Variants in TAF3 observed in about 807,000 individuals in gnomAD.
TAF3 encodes transcription initiation factor TFIID subunit 3.
TAF3 carries 7 observed loss-of-function variants against 80.6 expected under a neutral mutation model. That is an observed-to-expected ratio of 0.09 (90% CI 0.05 to 0.16). The LOEUF is 0.16. Among genes scored for constraint, TAF3 ranks in the 10% least tolerant of loss-of-function variants. The pLI, the probability that TAF3 is intolerant of heterozygous loss-of-function variation, is 1.00. For synonymous variants in TAF3, 444 were observed against 446.1 expected (o/e 1.00, Z 0.06); for missense variants, 921 against 1,140.2 (o/e 0.81, Z 2.77).
Position 8,003,249 on chromosome 10 carries a change from T to TA in TAF3, c.2316-5828dup, listed in dbSNP as rs947849749. Among the ~76,000 whole-genome samples, 92 of 152,262 alleles carry TA rather than the reference T, an allele frequency of 6.0e-4. 1 individual carries two copies. Among genetic ancestry groups the TA allele is most frequent in the African/African-American group, 2.2e-3 (90 of 41,578 alleles). On this transcript the variant is annotated intron_variant, in intron 4 of 6. Transcript: ENST00000344293. ...TTTTATCAGACCAAGGTTTTTTTTT[T>TA]ATCGTTCCTTTTTTCCTCATATTAT...
intron 4 of TAF3, among the ~76,000 whole-genome samples, chr10:8,007,258 TAAAAC>T: frequency 6.6e-6 from 1 of 151,930 alleles, no homozygotes; most frequent in East Asian, 1.9e-4. Flanking sequence ...TCAGGAGACA[TAAAAC>T]TAAGTGGGAA....
intron 3 of TAF3, among the ~76,000 whole-genome samples, chr10:7,971,425 C>T (rs1386558068): frequency 4.7e-5 from 7 of 147,534 alleles, no homozygotes; most frequent in African/African-American, 1.7e-4. Flanking sequence ...AAATTTGCTG[C>T]TACCCTAGCT....
intron 2 of TAF3, among the ~76,000 whole-genome samples, chr10:7,961,968 G>A (rs371977159): frequency 1.5e-3 from 221 of 152,040 alleles, no homozygotes; most frequent in African/African-American, 5.1e-3. Context: ...TTGCACCTCA[G>A]TCTCCCAGGT....
In TAF3 at chr10:7,878,980, A is replaced by G. The variant is rs187694917; in HGVS notation, c.409+54420A>G. ...TGACCTCAAGCAATCCGCTCACCTC[A>G]GCTTCCCAAAATGCTGGGATTACAG... On this transcript the variant is annotated intron_variant, in intron 2 of 6. Transcript: ENST00000344293. Among the ~76,000 whole-genome samples the G allele has an allele frequency of 3.5e-3, 528 of 152,218 alleles. 1 individual carries two copies. The highest frequency in any genetic ancestry group is 6.5e-3 in the Non-Finnish European group (443 of 67,990).
intron 2 of TAF3, among the ~76,000 whole-genome samples, chr10:7,896,589 A>G (rs1837506697): frequency 6.6e-6 from 1 of 152,222 alleles, no homozygotes. Context: ...GGACAGATTT[A>G]GCTAAGTTGC....
intron 2 of TAF3, among the ~76,000 whole-genome samples, chr10:7,857,327 T>C (rs905212930): frequency 6.6e-6 from 1 of 152,244 alleles, no homozygotes; most frequent in Non-Finnish European, 1.5e-5. Context: ...TTGCCTTCCC[T>C]ATCACAGGTA....
chr10:7,818,842 C>T lies in TAF3; in HGVS notation c.133C>T (p.Leu45=). 6.5e-7 allele frequency: 1 copy of T among 1,539,912 alleles called. No homozygotes were observed. The highest frequency in any genetic ancestry group is 8.7e-7 in the Non-Finnish European group (1 of 1,154,752). Residue 45 remains leucine, a synonymous_variant, in exon 1 of 7, where the codon CTG becomes TTG. Transcript: ENST00000344293. ...CGTGCTGCAGCGCTATCTGCAGCAGCTGGGCCGGGGCTGCCATCGGTACTC... is the reference window on the plus strand; with the variant it reads ...CGTGCTGCAGCGCTATCTGCAGCAGTTGGGCCGGGGCTGCCATCGGTACTC... ...TDVLQRYLQQ[L]GRGCHRYSEL...
rs118148876 is a variant in TAF3, at chr10:7,836,007, C to T, written c.409+11447C>T. Among the ~76,000 whole-genome samples the T allele has an allele frequency of 3.8e-3, 573 of 152,264 alleles. 2 individuals carry two copies. Among genetic ancestry groups the T allele is most frequent in the Non-Finnish European group, 6.8e-3 (463 of 68,018 alleles). On this transcript the variant is annotated intron_variant, in intron 2 of 6. Transcript: ENST00000344293. The stretch of plus-strand genomic sequence containing the variant: ...AATTCCTGAAGCTGCTTTTCTTCAG[C>T]GCCATCATACTCCCTTAACTCTCCT...
rs1564345305 is a variant in TAF3 at position 7,842,162 on chromosome 10, T to TG, written c.409+17602_409+17603insG. ...ATTGAATTAATATTGTTTTTTTTTT[T>TG]TGTTTTTTTTTTTGTTTTTTTTTTT... On this transcript the variant is annotated intron_variant, in intron 2 of 6. Coordinates refer to ENST00000344293, the MANE Select transcript of TAF3 (RefSeq NM_031923.4). Among the ~76,000 whole-genome samples the TG allele has an allele frequency of 1.7e-3, 155 of 90,008 alleles. 1 individual carries two copies. Among genetic ancestry groups the TG allele is most frequent in the Middle Eastern group, 6.1e-3 (1 of 164 alleles). 59.0% of individuals were successfully genotyped at this position (90,008 alleles called of 152,430 possible). A position where few individuals can be genotyped will look rare whatever the true frequency, so the allele number is the denominator to read the frequency against.
chr10:7,997,200 T>C (rs1831898248), intron 4 of TAF3, among the ~76,000 whole-genome samples: 2 of 152,222 alleles, frequency 1.3e-5, no homozygotes, highest in South Asian at 4.1e-4. Flanking sequence ...GTTGCGATAG[T>C]TTTTACCTGT....
intron 2 of TAF3, among the ~76,000 whole-genome samples, chr10:7,845,658 G>A (rs11255400): frequency 0.083 from 12,119 of 146,774 alleles, 615 homozygotes; most frequent in Admixed American, 0.14. Flanking sequence ...CAGATTTAGA[G>A]TGAAGGTGAG....
At position 7,878,203 on chromosome 10, in the gene TAF3, G is replaced by A. The variant is rs142442208; in HGVS notation, c.409+53643G>A. ...TGAGGCCTAAAGCTTGTACAATTTT[G>A]GGAGCCTTTTTAAAGAAAGTAATAT... On this transcript the variant is annotated intron_variant, in intron 2 of 6. Transcript: ENST00000344293. 2.1e-3 allele frequency among the ~76,000 whole-genome samples: 320 copies of A among 152,230 alleles called. 1 individual carries two copies. Among genetic ancestry groups the A allele is most frequent in the Non-Finnish European group, 2.8e-3 (191 of 68,018 alleles).
chr10:8,015,793 A>G lies in TAF3; in HGVS notation c.*1042A>G, dbSNP rs1832097925. 1.3e-5 allele frequency: 2 copies of G among 151,850 alleles called. No individual in the cohort carries two copies. Among genetic ancestry groups the G allele is most frequent in the African/African-American group, 4.8e-5 (2 of 41,328 alleles). 9.4% of individuals were successfully genotyped at this position (151,850 alleles called of 1,614,324 possible). A position where few individuals can be genotyped will look rare whatever the true frequency, so the allele number is the denominator to read the frequency against. On this transcript the variant is annotated 3_prime_UTR_variant, in exon 7 of 7. Coordinates refer to ENST00000344293, the MANE Select transcript of TAF3 (RefSeq NM_031923.4). Reference sequence around the variant, plus strand: ...CTTGAAGTTGTTTTGTTTGTTGTCTATTTTGTTTTTGTAAATTTCTTTGAC... The same window carrying G: ...CTTGAAGTTGTTTTGTTTGTTGTCTGTTTTGTTTTTGTAAATTTCTTTGAC...
chr10:7,874,598 T>G (rs1837297344), intron 2 of TAF3, among the ~76,000 whole-genome samples: 1 of 151,994 alleles, frequency 6.6e-6, no homozygotes. Context: ...CTAAACATTT[T>G]CATGATTTTT....
intron 2 of TAF3, among the ~76,000 whole-genome samples, chr10:7,862,053 T>C (rs1038729955): frequency 2.6e-5 from 4 of 152,208 alleles, no homozygotes; most frequent in Non-Finnish European, 5.9e-5. Flanking sequence ...TCACTGAGCT[T>C]TCTGCTACAC....
chr10:8,015,407 C>G lies in TAF3; in HGVS notation c.*656C>G, dbSNP rs1832094641. 1 of 152,074 alleles carries G rather than the reference C, an allele frequency of 6.6e-6. No individual in the cohort carries two copies. Among genetic ancestry groups the G allele is most frequent in the Non-Finnish European group, 1.5e-5 (1 of 68,014 alleles). The allele number at this position is 152,074 out of a possible 1,614,324, so 9.4% of individuals were successfully genotyped here. On this transcript the variant is annotated 3_prime_UTR_variant, in exon 7 of 7. Transcript: ENST00000344293. Reference sequence around the variant, plus strand: ...TATTTTTGTTTAATGTATTTTATATCTTCGTTGCATTCTAATTTTGCCCTT... The same window carrying G: ...TATTTTTGTTTAATGTATTTTATATGTTCGTTGCATTCTAATTTTGCCCTT...
At chr10:7,991,049 T>C (rs1831828636) in intron 4 of TAF3, among the ~76,000 whole-genome samples, 1 of 152,234 alleles carries the variant, frequency 6.6e-6, no homozygotes, top group African/African-American at 2.4e-5. Flanking sequence ...ACCTTCTCTT[T>C]TCTTTTTTTT....
intron 4 of TAF3, among the ~76,000 whole-genome samples, chr10:7,978,571 T>C (rs895432329): frequency 6.6e-6 from 1 of 152,190 alleles, no homozygotes; most frequent in African/African-American, 2.4e-5. Flanking sequence ...GTGGATTCAG[T>C]GCTTTTGAAA....
chr10:7,903,469 A>G (rs985011887), intron 2 of TAF3, among the ~76,000 whole-genome samples: 5 of 152,224 alleles, frequency 3.3e-5, no homozygotes, highest in African/African-American at 1.2e-4. Context: ...AGGAAATGGT[A>G]TTTAGCAAAA....
Sources: gnomAD v4.1 joint callset for allele counts (sites outside exome capture counted in the v4.1 genomes callset) on GRCh38, gnomAD v4.1.1 for gene constraint, MANE v1.5 for transcripts, NCBI Gene and HGNC (gene_info 2026-07-23, HGNC 2026-07-21) for gene names.